The following CASP2 variants were observed in gnomAD, a reference collection of about 807,000 sequenced individuals.
The protein encoded by CASP2 is caspase 2, also known as caspase-2.
Under a neutral mutation model 54.4 loss-of-function variants are expected in CASP2, and 38 were observed. That is an observed-to-expected ratio of 0.70 (90% CI 0.54 to 0.92). The LOEUF (loss-of-function observed/expected upper bound fraction) is 0.92, where lower values mean the gene tolerates loss of function less well. CASP2 is among the 40% of genes least tolerant of loss of function. The probability of loss-of-function intolerance (pLI) is 0.00; values close to 1 mark genes in which losing one functional copy is unlikely to be tolerated. For synonymous variants in CASP2, 215 were observed against 216.3 expected (o/e 0.99, Z 0.05); for missense variants, 512 against 579.6 (o/e 0.88, Z 1.20).
intron 2 of CASP2, 88 bp downstream of exon 2, chr7:143,291,778 TCC>T (rs374511862): frequency 1.2e-6 from 1 of 853,398 alleles, no homozygotes; most frequent in Non-Finnish European, 1.7e-6. Flanking sequence ...GTATCTTTCT[TCC>T]TTTTTTTTTT....
chr7:143,291,467 C>T, intron 1 of CASP2, 73 bp from the exon 2 acceptor site: 1 of 1,415,160 alleles, frequency 7.1e-7, no homozygotes, highest in Non-Finnish European at 1.0e-6. Context: ...TCTTCCTATT[C>T]ATGCCTCTTC....
chr7:143,301,153 C>T (rs776846192), intron 8 of CASP2: 1 of 156,322 alleles, frequency 6.4e-6, no homozygotes, highest in Non-Finnish European at 1.4e-5. Context: ...AGCTCAGTAC[C>T]TGGCTCACAG....
intron 8 of CASP2, chr7:143,301,817 G>A (rs1256521841): frequency 1.3e-5 from 2 of 152,164 alleles, no homozygotes; most frequent in Non-Finnish European, 2.9e-5. Flanking sequence ...CAATGAAGTG[G>A]GTTCACCTCC....
chr7:143,295,889 A>G (rs766505246), intron 6 of CASP2, among the ~76,000 whole-genome samples: 2 of 152,192 alleles, frequency 1.3e-5, no homozygotes, highest in Non-Finnish European at 2.9e-5. Flanking sequence ...GGTAGTTTAT[A>G]TGCTTTCCTG....
intron 1 of CASP2, chr7:143,290,769 G>C (rs548277968): frequency 6.6e-6 from 1 of 152,418 alleles, no homozygotes; most frequent in Non-Finnish European, 1.5e-5. Flanking sequence ...TGGGAGTCAG[G>C]GTCCACCAGG....
chr7:143,307,479 TC>T lies in CASP2; in HGVS notation c.*2410del, dbSNP rs1339777318. Reference sequence around the variant, plus strand: ...AAGACATATCATGTGTGAGATAACTTCCTTCACATCTCCCATGGTCCCTAGC... The same window carrying T: ...AAGACATATCATGTGTGAGATAACTTCTTCACATCTCCCATGGTCCCTAGC... On this transcript the variant is annotated 3_prime_UTR_variant, in exon 11 of 11. Coordinates refer to ENST00000310447, the MANE Select transcript of CASP2 (RefSeq NM_032982.4). 1 of 152,236 alleles carries T rather than the reference TC, an allele frequency of 6.6e-6. No individual in the cohort carries two copies. Among genetic ancestry groups the T allele is most frequent in the Non-Finnish European group, 1.5e-5 (1 of 68,044 alleles). 9.4% of individuals were successfully genotyped at this position (152,236 alleles called of 1,614,324 possible).
At chr7:143,291,443 C>T (rs1801554374) in intron 1 of CASP2, 97 bp from the exon 2 acceptor site, 10 of 1,216,558 alleles carry the variant, frequency 8.2e-6, no homozygotes, top group South Asian at 2.4e-5. Flanking sequence ...TATTGTAAGT[C>T]TTATTCTTTT....
In CASP2 at chr7:143,292,315, T is replaced by A; in HGVS notation, c.241T>A (p.Phe81Ile). The change falls in exon 3 of 11, where the codon TTC becomes ATC. Residue 81 changes from phenylalanine to isoleucine, a missense_variant. Transcript: ENST00000310447. ...RELIQAKVGS[F>I]SQNVELLNLL... The stretch of plus-strand genomic sequence containing the variant: ...TGTGTCTTAGGCCAAAGTGGGCAGT[T>A]TCAGCCAGAATGTGGAACTCCTCAA... 1 of 1,614,190 alleles carries A rather than the reference T, an allele frequency of 6.2e-7. No individual in the cohort carries two copies. Among genetic ancestry groups the A allele is most frequent in the Non-Finnish European group, 8.5e-7 (1 of 1,180,032 alleles).
At chr7:143,304,231 A>T (rs1586470080) in intron 9 of CASP2, among the ~76,000 whole-genome samples, 1 of 152,110 alleles carries the variant, frequency 6.6e-6, no homozygotes, top group Admixed American at 6.5e-5. Context: ...TGGATTTGGG[A>T]TGCTCAGCTG....
intron 4 of CASP2, among the ~76,000 whole-genome samples, chr7:143,293,433 A>G (rs1293874381): frequency 6.6e-6 from 1 of 151,896 alleles, no homozygotes; most frequent in East Asian, 1.9e-4. Context: ...CAGCTGAGAC[A>G]TAGTTTATAT....
intron 6 of CASP2, among the ~76,000 whole-genome samples, chr7:143,297,679 T>A (rs577607386): frequency 8.0e-4 from 122 of 152,342 alleles, no homozygotes; most frequent in African/African-American, 2.6e-3. Context: ...ACTCCTGACC[T>A]CAGGTGATCC....
intron 9 of CASP2, among the ~76,000 whole-genome samples, chr7:143,304,394 A>T (rs1205651603): frequency 2.0e-5 from 3 of 152,222 alleles, no homozygotes; most frequent in African/African-American, 2.4e-5. Flanking sequence ...CACACTTAAT[A>T]GACTGTAGGA....
chr7:143,299,150 T>C (rs1212985168), intron 6 of CASP2, among the ~76,000 whole-genome samples: 4 of 152,122 alleles, frequency 2.6e-5, no homozygotes, highest in African/African-American at 9.7e-5. Context: ...AGATGGAGTC[T>C]TGCTAGGTTG....
At chr7:143,293,023 A>G (rs775622718) in intron 4 of CASP2, 1 of 598,138 alleles carries the variant, frequency 1.7e-6, no homozygotes, top group Non-Finnish European at 2.9e-6. Flanking sequence ...AAAATAAAAT[A>G]AAATAAAATA....
rs759330152 is a variant in CASP2 at position 143,305,535 on chromosome 7, G to C, written c.*464G>C. On this transcript the variant is annotated 3_prime_UTR_variant, in exon 11 of 11. Transcript: ENST00000310447. ...TTGTCCTAGAGTGAGAGTTTGGAAG[G>C]TGTCCAAATTTAATGTAGACATTAT... The C allele has an allele frequency of 3.5e-6, 1 of 281,842 alleles. No homozygotes were observed. Among genetic ancestry groups the C allele is most frequent in the Non-Finnish European group, 7.0e-6 (1 of 143,464 alleles). 17.5% of individuals were successfully genotyped at this position (281,842 alleles called of 1,614,324 possible).
chr7:143,293,114 G>GTTTTTTTTTT, intron 4 of CASP2: 3 of 564,092 alleles, frequency 5.3e-6, no homozygotes, highest in Admixed American at 3.4e-5. Context: ...CCTTTTTTTT[G>GTTTTTTTTTT]TTTTTTTTTT....
In CASP2 at chr7:143,305,963, T is replaced by G. The variant is rs1264967439; in HGVS notation, c.*892T>G. On this transcript the variant is annotated 3_prime_UTR_variant, in exon 11 of 11. Transcript: ENST00000310447. ...AACCTGCACTTCATATCTAGATTTC[T>G]AGAAAAGCTTCCTAGCTTATCTCCC... 6.6e-6 allele frequency: 1 copy of G among 152,202 alleles called. No individual in the cohort carries two copies. Among genetic ancestry groups the G allele is most frequent in the Admixed American group, 6.5e-5 (1 of 15,286 alleles). The allele number at this position is 152,202 out of a possible 1,614,324, so 9.4% of individuals were successfully genotyped here. A position where few individuals can be genotyped will look rare whatever the true frequency, so the allele number is the denominator to read the frequency against.
At chr7:143,293,114 G>GTTTTTTTTTTTTTTTTTTTTT (rs11287848) in intron 4 of CASP2, 2 of 565,278 alleles carry the variant, frequency 3.5e-6, no homozygotes, top group Non-Finnish European at 6.1e-6. Context: ...CCTTTTTTTT[G>GTTTTTTTTTTTTTTTTTTTTT]TTTTTTTTTT....
chr7:143,300,969 C>G, intron 8 of CASP2: 1 of 993,354 alleles, frequency 1.0e-6, no homozygotes, highest in Non-Finnish European at 1.2e-6. Context: ...AATTAAGAGC[C>G]CTAACTTTGG....
Sources: gnomAD v4.1 joint callset for allele counts (sites outside exome capture counted in the v4.1 genomes callset) on GRCh38, gnomAD v4.1.1 for gene constraint, MANE v1.5 for transcripts, NCBI Gene and HGNC (gene_info 2026-07-23, HGNC 2026-07-21) for gene names.